Variants in PINX1 observed in about 807,000 individuals in gnomAD.
PINX1 encodes PIN2/TERF1-interacting telomerase inhibitor 1.
A neutral mutation model predicts 25.4 loss-of-function variants in PINX1; 34 were observed. The observed-to-expected ratio is 1.34, with a 90% CI of 1.02 to 1.78. The LOEUF (loss-of-function observed/expected upper bound fraction) is 1.78, where lower values mean the gene tolerates loss of function less well. PINX1 is among the 40% of genes most tolerant of loss of function. The pLI is 0.00. For missense variants in PINX1, 592 were observed against 404.9 expected (o/e 1.46, Z -3.97); for synonymous variants, 197 against 147.7 (o/e 1.33, Z -2.42).
intron 6 of PINX1, among the ~76,000 whole-genome samples, chr8:10,814,016 C>T (rs1356403248): frequency 2.6e-5 from 4 of 152,098 alleles, no homozygotes; most frequent in Non-Finnish European, 4.4e-5. Context: ...AGAAGACACA[C>T]GCTTATGTAC....
At chr8:10,805,116 C>T (rs1359333845) in intron 6 of PINX1, among the ~76,000 whole-genome samples, 1 of 152,184 alleles carries the variant, frequency 6.6e-6, no homozygotes, top group African/African-American at 2.4e-5. Flanking sequence ...ATAGGTGAGG[C>T]CTGTCTCTCC....
At chr8:10,824,054 G>A (rs1042905480) in intron 5 of PINX1, among the ~76,000 whole-genome samples, 3 of 151,974 alleles carry the variant, frequency 2.0e-5, no homozygotes, top group African/African-American at 4.8e-5. Context: ...CATACCCACT[G>A]GCGAAAATCT....
At chr8:10,784,895 C>A (rs1446588334) in intron 6 of PINX1, among the ~76,000 whole-genome samples, 4 of 152,174 alleles carry the variant, frequency 2.6e-5, no homozygotes, top group Non-Finnish European at 4.4e-5. Flanking sequence ...GCATTTCAGC[C>A]TCGTGCTCTT....
intron 6 of PINX1, among the ~76,000 whole-genome samples, chr8:10,812,289 C>G (rs549887143): frequency 6.6e-6 from 1 of 152,334 alleles, no homozygotes; most frequent in Admixed American, 6.5e-5. Flanking sequence ...CAAGTAATGT[C>G]CTCTCCTTTG....
intron 6 of PINX1, among the ~76,000 whole-genome samples, chr8:10,767,443 C>T (rs987381800): frequency 6.6e-6 from 1 of 151,894 alleles, no homozygotes; most frequent in Admixed American, 6.6e-5. Context: ...TCTGGAATTT[C>T]AAAATAGGCA....
Position 10,765,890 on chromosome 8 carries a change from C to T in PINX1, c.498G>A (p.Glu166=), listed in dbSNP as rs1286624612. The change falls in exon 7 of 7, where the codon GAG becomes GAA. Residue 166 remains glutamate, a synonymous_variant. Transcript: ENST00000314787. ...PEGDASPSTP[E]ENETTTTSAF... Reference sequence around the variant, plus strand: ...CGCTGGTTGTCGTGGTTTCGTTCTCCTCTGGAGTGGAGGGACTGGCATCGC... The same window carrying T: ...CGCTGGTTGTCGTGGTTTCGTTCTCTTCTGGAGTGGAGGGACTGGCATCGC... The T allele has an allele frequency of 1.9e-6, 3 of 1,613,692 alleles. 1 individual carries two copies. The highest frequency in any genetic ancestry group is 1.3e-5 in the African/African-American group (1 of 74,924).
At chr8:10,767,845 C>T (rs1801106491) in intron 6 of PINX1, among the ~76,000 whole-genome samples, 1 of 80,678 alleles carries the variant, frequency 1.2e-5, no homozygotes, top group South Asian at 5.3e-4. Flanking sequence ...CACAGCCACA[C>T]AGAGACAGGC....
rs371786723 is a variant in PINX1 at position 10,803,788 on chromosome 8, T to C, written c.471+16405A>G. 6.6e-5 allele frequency among the ~76,000 whole-genome samples: 10 copies of C among 152,310 alleles called. No homozygotes were observed. In the East Asian group the frequency reaches 9.7e-4, roughly 15 times the overall value. ...GGTTCTTTATTAGACTGAAAAATAC[T>C]CTTTTTCTGTTGAAAACAGATTTAC... is the stretch of plus-strand genomic sequence containing the variant. On this transcript the variant is annotated intron_variant, in intron 6 of 6. Transcript: ENST00000314787.
intron 6 of PINX1, among the ~76,000 whole-genome samples, chr8:10,792,870 C>T (rs950257083): frequency 1.3e-5 from 2 of 152,160 alleles, no homozygotes; most frequent in African/African-American, 4.8e-5. Context: ...TGTGAGTATA[C>T]ACAATACACC....
intron 6 of PINX1, among the ~76,000 whole-genome samples, chr8:10,794,482 T>G (rs1353310425): frequency 1.3e-5 from 2 of 152,168 alleles, no homozygotes; most frequent in East Asian, 3.9e-4. Context: ...TTGCCCAGGC[T>G]GGAGTGCACT....
Position 10,774,146 on chromosome 8 carries a change from T to C in PINX1, c.472-8230A>G, listed in dbSNP as rs182391741. ...CTTCCAGAGGGTTCTGTCTCTTCCA[T>C]CTTTATTCCACAGGAAGAGGTGAAA... On this transcript the variant is annotated intron_variant, in intron 6 of 6. Transcript: ENST00000314787. Among the ~76,000 whole-genome samples, 290 of 152,322 alleles carry C rather than the reference T, an allele frequency of 1.9e-3. 3 individuals are homozygous for C. The highest frequency in any genetic ancestry group is 6.6e-3 in the African/African-American group (273 of 41,566).
intron 6 of PINX1, among the ~76,000 whole-genome samples, chr8:10,809,778 A>G (rs1586179705): frequency 6.6e-6 from 1 of 152,174 alleles, no homozygotes; most frequent in East Asian, 1.9e-4. Context: ...GCAATCACAC[A>G]CTTTATCATC....
At chr8:10,832,827 T>C in intron 3 of PINX1, 65 bp downstream of exon 3, 1 of 903,890 alleles carries the variant, frequency 1.1e-6, no homozygotes, top group South Asian at 1.5e-5. Context: ...ACCAATCAAC[T>C]TTCAGATTTA....
At chr8:10,784,321 T>A (rs1801682487) in intron 6 of PINX1, among the ~76,000 whole-genome samples, 1 of 152,204 alleles carries the variant, frequency 6.6e-6, no homozygotes, top group South Asian at 2.1e-4. Flanking sequence ...CTCCTTAGGA[T>A]CACAAAGTAA....
At chr8:10,831,006 T>C (rs1024083644) in intron 4 of PINX1, among the ~76,000 whole-genome samples, 9 of 152,220 alleles carry the variant, frequency 5.9e-5, no homozygotes, top group Non-Finnish European at 1.0e-4. Context: ...CCACGTTCAC[T>C]GCAGCACTAT....
chr8:10,836,562 T>C (rs1242973602), intron 1 of PINX1, among the ~76,000 whole-genome samples: 1 of 152,034 alleles, frequency 6.6e-6, no homozygotes, highest in Non-Finnish European at 1.5e-5. Flanking sequence ...ATTACCTACT[T>C]ATATAAAACA....
rs116262131 is a variant in PINX1, at chr8:10,825,910, C to A, written c.394+242G>T. On this transcript the variant is annotated intron_variant, in intron 5 of 6. Coordinates refer to ENST00000314787, the MANE Select transcript of PINX1 (RefSeq NM_017884.6). ...CTGATTCCATTTTTTAGCTCAGCCA[C>A]AGGACTTGTTTACAGTCTAAAACCT... Among the ~76,000 whole-genome samples, 434 of 152,350 alleles carry A rather than the reference C, an allele frequency of 2.8e-3. 2 individuals carry two copies. Among genetic ancestry groups the A allele is most frequent in the African/African-American group, 1.0e-2 (414 of 41,592 alleles).
chr8:10,809,943 C>T (rs1030184434), intron 6 of PINX1, among the ~76,000 whole-genome samples: 9 of 152,128 alleles, frequency 5.9e-5, no homozygotes, highest in African/African-American at 1.7e-4. Context: ...GGAGGTGTGC[C>T]GATGGCATCT....
chr8:10,809,381 C>A (rs1355988557), intron 6 of PINX1, among the ~76,000 whole-genome samples: 2 of 152,230 alleles, frequency 1.3e-5, no homozygotes, highest in Non-Finnish European at 2.9e-5. Context: ...GATTTACAGA[C>A]CACTGACAGA....
Sources: gnomAD v4.1 joint callset for allele counts (sites outside exome capture counted in the v4.1 genomes callset) on GRCh38, gnomAD v4.1.1 for gene constraint, MANE v1.5 for transcripts, NCBI Gene and HGNC (gene_info 2026-07-23, HGNC 2026-07-21) for gene names.